The following GPHN variants were observed in gnomAD, a reference collection of about 807,000 sequenced individuals.
GPHN encodes gephyrin.
GPHN carries 17 observed loss-of-function variants against 95.5 expected under a neutral mutation model. The observed-to-expected ratio is 0.18, with a 90% CI of 0.12 to 0.27. GPHN has a LOEUF of 0.27. GPHN is among the 10% of genes least tolerant of loss of function. The pLI, the probability that GPHN is intolerant of heterozygous loss-of-function variation, is 1.00. For synonymous variants in GPHN, 320 were observed against 322.5 expected (o/e 0.99, Z 0.08); for missense variants, 660 against 978.1 (o/e 0.67, Z 4.34).
intron 3 of GPHN, among the ~76,000 whole-genome samples, chr14:66,797,971 G>A (rs921809177): frequency 2.0e-5 from 3 of 151,730 alleles, no homozygotes. Context: ...TGTCATGCAT[G>A]GTTTTTATTA....
At chr14:66,764,967 A>G (rs1462389150) in intron 2 of GPHN, among the ~76,000 whole-genome samples, 1 of 152,200 alleles carries the variant, frequency 6.6e-6, no homozygotes, top group East Asian at 1.9e-4. Flanking sequence ...GTTGCTTTAA[A>G]TGATTTAAAA....
At chr14:67,336,663 C>T in the GPHN span, 98 of 454,294 alleles carry the variant, frequency 2.2e-4, no homozygotes, top group African/African-American at 1.8e-3. Flanking sequence ...TGCATTCCAG[C>T]TGTGCTCTTT....
the GPHN span, among the ~76,000 whole-genome samples, chr14:67,687,035 G>C: frequency 6.6e-6 from 1 of 152,144 alleles, no homozygotes; most frequent in Non-Finnish European, 1.5e-5. Flanking sequence ...TTCTTGCAGT[G>C]TTCCCGACAT....
At chr14:67,310,628 CATA>C in the GPHN span, among the ~76,000 whole-genome samples, 2 of 152,134 alleles carry the variant, frequency 1.3e-5, no homozygotes, top group East Asian at 3.8e-4. Context: ...TCCCAAAAGG[CATA>C]ATAACATTTA....
chr14:67,601,487 A>G, the GPHN span, among the ~76,000 whole-genome samples: 5 of 152,198 alleles, frequency 3.3e-5, no homozygotes, highest in Admixed American at 3.3e-4. Context: ...CTGGGAATTA[A>G]GCAGGAGCGG....
intron 10 of GPHN, among the ~76,000 whole-genome samples, chr14:67,057,412 G>GC (rs1256328144): frequency 1.5e-5 from 2 of 131,336 alleles, no homozygotes; most frequent in African/African-American, 2.8e-5. Flanking sequence ...GCACATGGGT[G>GC]GGGGGGGCAA....
At chr14:67,300,784 T>C in the GPHN span, among the ~76,000 whole-genome samples, 1 of 152,208 alleles carries the variant, frequency 6.6e-6, no homozygotes, top group Non-Finnish European at 1.5e-5. Context: ...TAATCCATTA[T>C]ATTATGGTGA....
At chr14:66,998,725 A>G (rs964619538) in intron 9 of GPHN, among the ~76,000 whole-genome samples, 1 of 152,082 alleles carries the variant, frequency 6.6e-6, no homozygotes, top group South Asian at 2.1e-4. Context: ...CCAATTGCAT[A>G]TCACTATCTT....
At chr14:67,708,291 A>G in the GPHN span, among the ~76,000 whole-genome samples, 2 of 152,214 alleles carry the variant, frequency 1.3e-5, no homozygotes, top group Admixed American at 6.5e-5. Flanking sequence ...CTATCAGTTT[A>G]GTTTATGCAG....
chr14:66,790,768 C>T (rs1425710469), intron 3 of GPHN, among the ~76,000 whole-genome samples: 3 of 152,190 alleles, frequency 2.0e-5, no homozygotes, highest in African/African-American at 7.2e-5. Flanking sequence ...ATTGCAGTGA[C>T]ACTGAATGAA....
At chr14:67,309,616 A>G in the GPHN span, among the ~76,000 whole-genome samples, 4 of 152,200 alleles carry the variant, frequency 2.6e-5, no homozygotes, top group African/African-American at 9.7e-5. Flanking sequence ...ATGGAAAAGC[A>G]TCTCTGGGTG....
At chr14:66,917,317 G>A (rs903954292) in intron 6 of GPHN, among the ~76,000 whole-genome samples, 3 of 152,136 alleles carry the variant, frequency 2.0e-5, no homozygotes, top group African/African-American at 7.2e-5. Flanking sequence ...TGCTACTCAG[G>A]TTTGCAGGCT....
the GPHN span, among the ~76,000 whole-genome samples, chr14:67,567,602 C>G: frequency 6.6e-6 from 1 of 152,220 alleles, no homozygotes; most frequent in South Asian, 2.1e-4. Flanking sequence ...TCCTCACCGC[C>G]CCTCTGTCTC....
At chr14:66,655,905 T>C (rs1432607217) in intron 1 of GPHN, among the ~76,000 whole-genome samples, 2 of 152,182 alleles carry the variant, frequency 1.3e-5, no homozygotes, top group Non-Finnish European at 2.9e-5. Context: ...CATTGATTGA[T>C]TTTTGAATAT....
intron 3 of GPHN, among the ~76,000 whole-genome samples, chr14:66,805,213 T>C (rs1179788826): frequency 2.0e-5 from 3 of 152,182 alleles, no homozygotes; most frequent in Non-Finnish European, 2.9e-5. Flanking sequence ...GAAACTCCCC[T>C]TTCTAAAACC....
intron 10 of GPHN, among the ~76,000 whole-genome samples, chr14:67,058,041 C>A (rs879765228): frequency 6.6e-6 from 1 of 152,200 alleles, no homozygotes; most frequent in Non-Finnish European, 1.5e-5. Context: ...CAAAAAAAAA[C>A]TGTCTGATCT....
At chr14:67,336,948 A>AAGTT in the GPHN span, among the ~76,000 whole-genome samples, 23 of 152,202 alleles carry the variant, frequency 1.5e-4, no homozygotes, top group African/African-American at 4.8e-4. Flanking sequence ...CAGAAAGGAA[A>AAGTT]AGTTAGGGTG....
At chr14:67,652,915 T>C in the GPHN span, among the ~76,000 whole-genome samples, 4 of 152,050 alleles carry the variant, frequency 2.6e-5, no homozygotes, top group Non-Finnish European at 5.9e-5. Context: ...CTCAGCCTCC[T>C]GAGTAGCTGG....
chr14:66,672,196 C>T (rs1054488889), intron 1 of GPHN, among the ~76,000 whole-genome samples: 2 of 151,914 alleles, frequency 1.3e-5, no homozygotes, highest in African/African-American at 4.8e-5. Context: ...TTATTTTTGA[C>T]ATGTTCTTTA....
Sources: allele counts gnomAD v4.1 joint callset (sites outside exome capture counted in the v4.1 genomes callset), GRCh38; gene constraint gnomAD v4.1.1; transcripts MANE v1.5; gene names NCBI Gene and HGNC (gene_info 2026-07-23, HGNC 2026-07-21).